Variants in PTPRQ observed in about 807,000 individuals in gnomAD.
PTPRQ encodes the protein phosphatidylinositol phosphatase PTPRQ.
Under a neutral mutation model 246.0 loss-of-function variants are expected in PTPRQ, and 199 were observed. The observed-to-expected ratio is 0.81, with a 90% confidence interval of 0.72 to 0.91. The LOEUF is 0.91. PTPRQ is among the 40% of genes least tolerant of loss of function. The pLI is 0.00. For missense variants in PTPRQ, 2,624 were observed against 2,528.4 expected, an observed-to-expected ratio of 1.04 and a Z score of -0.81; for synonymous variants, 869 against 853.2, an observed-to-expected ratio of 1.02 and a Z score of -0.32.
chr12:80,661,086 A>G (rs1900613950), intron 39 of PTPRQ, among the ~76,000 whole-genome samples: 1 of 151,844 alleles, frequency 6.6e-6, no homozygotes, highest in African/African-American at 2.4e-5. Flanking sequence ...TAAAACACAT[A>G]CATATGAAAA....
At chr12:80,515,543 C>G (rs1237843430) in intron 17 of PTPRQ, among the ~76,000 whole-genome samples, 1 of 151,802 alleles carries the variant, frequency 6.6e-6, no homozygotes, top group East Asian at 1.9e-4. Context: ...GCCTCAGCCT[C>G]CCGAGTAGCT....
chr12:80,669,679 A>C, intron 41 of PTPRQ, among the ~76,000 whole-genome samples: 1 of 152,054 alleles, frequency 6.6e-6, no homozygotes, highest in East Asian at 1.9e-4. Context: ...TAAAGTCTGT[A>C]TTAACCAATT....
chr12:80,675,002 C>A (rs941797187), intron 43 of PTPRQ, among the ~76,000 whole-genome samples: 1 of 152,172 alleles, frequency 6.6e-6, no homozygotes, highest in African/African-American at 2.4e-5. Context: ...TTGTAGGAAT[C>A]TTCCTTAACT....
At chr12:80,482,799 A>G (rs1039758309) in intron 8 of PTPRQ, among the ~76,000 whole-genome samples, 40 of 149,462 alleles carry the variant, frequency 2.7e-4, no homozygotes, top group Non-Finnish European at 5.0e-4. Flanking sequence ...TGGCCATCAG[A>G]GAAATGCAAA....
At chr12:80,448,107 C>G (rs1401489485) in intron 3 of PTPRQ, among the ~76,000 whole-genome samples, 1 of 151,970 alleles carries the variant, frequency 6.6e-6, no homozygotes, top group Non-Finnish European at 1.5e-5. Flanking sequence ...TTTTCACCTC[C>G]TTTGTAAAAT....
chr12:80,538,569 TTTAAC>T (rs1160554136), intron 19 of PTPRQ, among the ~76,000 whole-genome samples: 1 of 152,076 alleles, frequency 6.6e-6, no homozygotes, highest in Non-Finnish European at 1.5e-5. Flanking sequence ...GCTATATTAC[TTTAAC>T]TTGTCTATTT....
rs1178705 is a variant in PTPRQ at position 80,668,942 on chromosome 12, A to T, written c.6193-65A>T. 5.2e-3 allele frequency: 7,607 copies of T among 1,462,042 alleles called. 248 individuals are homozygous for T. The African/African-American group carries it at 0.08, about 15-fold the overall frequency. The allele number at this position is 1,462,042 out of a possible 1,614,324, so 90.6% of individuals were successfully genotyped here. ...CAACCAGCATATGTTTCATGCATTG[A>T]TCGAAAACTAAAACACTGTATCTGT... On this transcript the variant is annotated intron_variant, in intron 39 of 44. Coordinates refer to ENST00000644991, the MANE Select transcript of PTPRQ (RefSeq NM_001145026.2).
At chr12:80,517,345 C>A (rs1037289265) in intron 17 of PTPRQ, among the ~76,000 whole-genome samples, 5 of 151,962 alleles carry the variant, frequency 3.3e-5, no homozygotes, top group African/African-American at 1.2e-4. Flanking sequence ...CCATCACACC[C>A]TCTTATTTCA....
chr12:80,644,380 A>T (rs1899994068), intron 35 of PTPRQ, among the ~76,000 whole-genome samples: 1 of 152,192 alleles, frequency 6.6e-6, no homozygotes, highest in South Asian at 2.1e-4. Flanking sequence ...AAATTGATTT[A>T]TCCAGTAATG....
chr12:80,467,821 C>T (rs1893484363), intron 6 of PTPRQ, among the ~76,000 whole-genome samples: 1 of 151,306 alleles, frequency 6.6e-6, no homozygotes, highest in African/African-American at 2.4e-5. Context: ...AACACATGGA[C>T]ACAGGAAGGG....
intron 27 of PTPRQ, among the ~76,000 whole-genome samples, chr12:80,605,808 AC>A (rs1426704374): frequency 6.6e-6 from 1 of 151,068 alleles, no homozygotes; most frequent in African/African-American, 2.4e-5. Flanking sequence ...ACAACAAGTT[AC>A]AGAGTTAGGG....
chr12:80,617,292 T>C (rs571194524), intron 30 of PTPRQ, among the ~76,000 whole-genome samples: 1 of 151,408 alleles, frequency 6.6e-6, no homozygotes, highest in South Asian at 2.1e-4. Flanking sequence ...CCTGGAAACA[T>C]GTACTATTAA....
intron 14 of PTPRQ, among the ~76,000 whole-genome samples, chr12:80,501,081 T>C (rs1189245587): frequency 6.6e-6 from 1 of 151,778 alleles, no homozygotes; most frequent in Non-Finnish European, 1.5e-5. Flanking sequence ...CAACTTCTTA[T>C]AGAGGAAAAA....
intron 26 of PTPRQ, among the ~76,000 whole-genome samples, chr12:80,594,671 T>C (rs1339007978): frequency 1.3e-5 from 2 of 152,182 alleles, no homozygotes; most frequent in Admixed American, 6.6e-5. Context: ...TTGTTCAAAC[T>C]AGTTATCTAG....
chr12:80,618,268 G>A (rs1419765167), intron 30 of PTPRQ, among the ~76,000 whole-genome samples: 1 of 151,062 alleles, frequency 6.6e-6, no homozygotes, highest in Non-Finnish European at 1.5e-5. Context: ...TGATAATCCT[G>A]TGGGATTATT....
At chr12:80,513,795 T>C (rs1895196548) in intron 17 of PTPRQ, among the ~76,000 whole-genome samples, 1 of 152,188 alleles carries the variant, frequency 6.6e-6, no homozygotes. Context: ...TTATCCTTGG[T>C]CCAACCTCAA....
chr12:80,561,395 G>C (rs1468506459), intron 25 of PTPRQ: 1 of 152,642 alleles, frequency 6.6e-6, no homozygotes, highest in Admixed American at 6.5e-5. Context: ...TGCCAGGTGG[G>C]ATGGGCTTCA....
At position 80,610,333 on chromosome 12, in the gene PTPRQ, C is replaced by G. The variant is rs1040294721; in HGVS notation, c.4732-106C>G. 9.3e-5 allele frequency: 83 copies of G among 891,978 alleles called. No individual in the cohort carries two copies. In the Middle Eastern group the frequency reaches 2.2e-3, roughly 24 times the overall value. 55.3% of individuals were successfully genotyped at this position (891,978 alleles called of 1,614,324 possible). On this transcript the variant is annotated intron_variant, in intron 27 of 44. Coordinates refer to ENST00000644991, the MANE Select transcript of PTPRQ (RefSeq NM_001145026.2). ...AATCTGATTGTAAAATAAATAAATA[C>G]AAATTTGGCTAGATAAATACATCTC...
At chr12:80,486,174 T>C (rs570739468) in intron 9 of PTPRQ, among the ~76,000 whole-genome samples, 2 of 152,262 alleles carry the variant, frequency 1.3e-5, no homozygotes, top group South Asian at 2.1e-4. Flanking sequence ...AATGGGTTCA[T>C]GTGTGTAAAG....
Sources: gnomAD v4.1 joint callset for allele counts (sites outside exome capture counted in the v4.1 genomes callset) on GRCh38, gnomAD v4.1.1 for gene constraint, MANE v1.5 for transcripts, NCBI Gene and HGNC (gene_info 2026-07-23, HGNC 2026-07-21) for gene names.